Variants in CPNE8 observed in about 807,000 individuals in gnomAD.
The protein encoded by CPNE8 is copine 8.
CPNE8 carries 45 observed loss-of-function variants against 81.5 expected under a neutral mutation model. The observed-to-expected ratio is 0.55, with a 90% CI of 0.44 to 0.71. The LOEUF (loss-of-function observed/expected upper bound fraction) is 0.71. CPNE8 is among the 30% of genes least tolerant of loss of function. The pLI, the probability that CPNE8 is intolerant of heterozygous loss-of-function variation, is 0.00. For missense variants in CPNE8, 594 were observed against 672.1 expected (o/e 0.88, Z 1.28); for synonymous variants, 252 against 226.3 (o/e 1.11, Z -1.02).
rs145902126 is a variant in CPNE8, at chr12:38,763,159, G to A, written c.576-943C>T. On this transcript the variant is annotated intron_variant, in intron 8 of 19. Transcript: ENST00000331366. ...GGCGTGAGCCACTGTGCCCAGCCGGGAGCAATGTCTTTTAAGCAGGTGAGA... is the reference window on the plus strand; with the variant it reads ...GGCGTGAGCCACTGTGCCCAGCCGGAAGCAATGTCTTTTAAGCAGGTGAGA... 4.9e-3 allele frequency among the ~76,000 whole-genome samples: 750 copies of A among 152,184 alleles called. 5 individuals carry two copies. Among genetic ancestry groups the A allele is most frequent in the African/African-American group, 0.017 (698 of 41,546 alleles).
intron 6 of CPNE8, among the ~76,000 whole-genome samples, chr12:38,782,276 C>T (rs758373639): frequency 1.3e-5 from 2 of 151,950 alleles, no homozygotes; most frequent in Admixed American, 6.6e-5. Flanking sequence ...AACGATTTCA[C>T]GTTAAAAGAG....
intron 19 of CPNE8, among the ~76,000 whole-genome samples, chr12:38,659,488 C>T (rs759450616): frequency 6.6e-6 from 1 of 152,072 alleles, no homozygotes; most frequent in African/African-American, 2.4e-5. Context: ...TTAGACAGAT[C>T]GACAAGACAG....
intron 3 of CPNE8, among the ~76,000 whole-genome samples, chr12:38,870,072 A>G (rs1329281864): frequency 2.0e-5 from 3 of 152,240 alleles, no homozygotes; most frequent in Non-Finnish European, 4.4e-5. Flanking sequence ...CTGCACAGCA[A>G]GATGGCCTAA....
At chr12:38,824,171 TTCA>T (rs148905894) in intron 6 of CPNE8, among the ~76,000 whole-genome samples, 3,360 of 152,296 alleles carry the variant, frequency 0.022, 53 homozygotes, top group Non-Finnish European at 0.033. Flanking sequence ...TTCAAATTAT[TTCA>T]TCATTATGCA....
intron 13 of CPNE8, among the ~76,000 whole-genome samples, chr12:38,720,136 A>G (rs1306726210): frequency 6.6e-6 from 1 of 152,222 alleles, no homozygotes; most frequent in Non-Finnish European, 1.5e-5. Flanking sequence ...ACTGTACCCC[A>G]TAAGTTGGGG....
chr12:38,866,373 A>C (rs1176818696), intron 3 of CPNE8, among the ~76,000 whole-genome samples: 2 of 152,348 alleles, frequency 1.3e-5, no homozygotes, highest in African/African-American at 2.4e-5. Flanking sequence ...ACAAAACAAA[A>C]TAAAAATATT....
At position 38,807,261 on chromosome 12, in the gene CPNE8, C is replaced by A. The variant is rs1237110088; in HGVS notation, c.407+22118G>T. On this transcript the variant is annotated intron_variant, in intron 6 of 19. Coordinates refer to ENST00000331366, the MANE Select transcript of CPNE8 (RefSeq NM_153634.3). ...AATTGGAAAAAACTACTTTAAAGTT[C>A]ATATGGAACCAAAAAAGAGCCCGCA... Among the ~76,000 whole-genome samples the A allele has an allele frequency of 3.4e-5, 5 of 148,018 alleles. No homozygotes were observed. In the South Asian group the frequency reaches 6.7e-4, roughly 20 times the overall value.
At chr12:38,905,650 C>A, upstream of CPNE8, 9 of 1,490,926 alleles carry the variant, frequency 6.0e-6, no homozygotes, top group South Asian at 1.3e-5. Flanking sequence ...AAGAAGGAGG[C>A]GGAGGCAGCG....
chr12:38,701,163 C>T (rs1276332144), intron 14 of CPNE8, among the ~76,000 whole-genome samples: 5 of 152,162 alleles, frequency 3.3e-5, no homozygotes, highest in Admixed American at 6.5e-5. Flanking sequence ...CCTTCTTTCA[C>T]ATTTCAGAAG....
intron 10 of CPNE8, among the ~76,000 whole-genome samples, chr12:38,756,907 A>C (rs1941473885): frequency 6.6e-6 from 1 of 152,214 alleles, no homozygotes; most frequent in Non-Finnish European, 1.5e-5. Context: ...TCAAAGACTT[A>C]GTATTTTTAA....
At chr12:38,783,471 G>C (rs535123896) in intron 6 of CPNE8, among the ~76,000 whole-genome samples, 1 of 152,268 alleles carries the variant, frequency 6.6e-6, no homozygotes, top group South Asian at 2.1e-4. Context: ...GCTGGGGAGA[G>C]GGGAGTGCAG....
At chr12:38,806,308 A>C (rs1433572764) in intron 6 of CPNE8, among the ~76,000 whole-genome samples, 1 of 150,132 alleles carries the variant, frequency 6.7e-6, no homozygotes, top group African/African-American at 2.4e-5. Flanking sequence ...AAAAAAGATA[A>C]TTTTAGACCA....
chr12:38,870,378 A>G (rs746568483), intron 3 of CPNE8, among the ~76,000 whole-genome samples: 16 of 152,344 alleles, frequency 1.1e-4, no homozygotes, highest in Middle Eastern at 3.4e-3. Flanking sequence ...AATAGCAAAG[A>G]CTTGGAACCA....
chr12:38,897,203 T>C (rs570119115), intron 1 of CPNE8, among the ~76,000 whole-genome samples: 2 of 152,256 alleles, frequency 1.3e-5, no homozygotes, highest in East Asian at 1.9e-4. Flanking sequence ...TGCAACATTC[T>C]TATGGTAATA....
intron 6 of CPNE8, among the ~76,000 whole-genome samples, chr12:38,780,563 C>T (rs1942028720): frequency 6.6e-6 from 1 of 151,784 alleles, no homozygotes; most frequent in Admixed American, 6.6e-5. Flanking sequence ...CATGGAAAAA[C>T]GTGAGAGATG....
intron 5 of CPNE8, among the ~76,000 whole-genome samples, chr12:38,830,273 C>T (rs1368604853): frequency 6.6e-6 from 1 of 152,038 alleles, no homozygotes; most frequent in Non-Finnish European, 1.5e-5. Context: ...CATACACCTA[C>T]TATGTACTCA....
In CPNE8 at chr12:38,829,457, T is replaced by A; in HGVS notation, c.331-2A>T. 1.2e-6 allele frequency: 2 copies of A among 1,607,098 alleles called. No homozygotes were observed. Among genetic ancestry groups the A allele is most frequent in the Non-Finnish European group, 8.5e-7 (1 of 1,173,820 alleles). ...ACAAAACACTTGTCCCAGAAAGTCC[T>A]GAAATAGATAAAAAGATTAAAGCTC... On this transcript the variant is annotated splice_acceptor_variant, in intron 5 of 19. Transcript: ENST00000331366. LOFTEE classifies it high-confidence loss of function.
chr12:38,733,863 G>A (rs914409387), intron 10 of CPNE8, among the ~76,000 whole-genome samples: 4 of 151,826 alleles, frequency 2.6e-5, no homozygotes, highest in Non-Finnish European at 5.9e-5. Context: ...TGGGAAAACG[G>A]TATTATGCAT....
At chr12:38,701,118 A>G (rs1024265939) in intron 14 of CPNE8, among the ~76,000 whole-genome samples, 3 of 152,174 alleles carry the variant, frequency 2.0e-5, no homozygotes, top group Non-Finnish European at 4.4e-5. Context: ...TGGTATCAAG[A>G]TAATATTAAC....
Sources: gnomAD v4.1 joint callset for allele counts (sites outside exome capture counted in the v4.1 genomes callset) on GRCh38, gnomAD v4.1.1 for gene constraint, MANE v1.5 for transcripts, NCBI Gene and HGNC (gene_info 2026-07-23, HGNC 2026-07-21) for gene names.